CHRM2: variants seen among roughly 807,000 people sequenced by gnomAD.
The protein encoded by CHRM2 is cholinergic receptor muscarinic 2, also known as muscarinic acetylcholine receptor M2.
A neutral mutation model predicts 25.0 loss-of-function variants in CHRM2; 8 were observed. The ratio of observed to expected loss-of-function variants is 0.32; its 90% CI spans 0.19 to 0.58. The LOEUF is 0.58. Ranked by LOEUF, CHRM2 falls within the 20% of genes least tolerant of loss-of-function variation. The pLI, the probability that CHRM2 is intolerant of heterozygous loss-of-function variation, is 0.88. For synonymous variants in CHRM2, 202 were observed against 205.7 expected, an observed-to-expected ratio of 0.98 and a Z score of 0.15; for missense variants, 440 against 567.1, an observed-to-expected ratio of 0.78 and a Z score of 2.28.
rs763752437 is a variant in CHRM2 at position 137,016,203 on chromosome 7, C to T, written c.1338C>T (p.Thr446=). The change falls in exon 4 of 4, where the codon ACC becomes ACT. Residue 446 remains threonine, a synonymous_variant. Transcript: ENST00000680005. ...CCTGCTATGCACTTTGCAATGCCAC[C>T]TTCAAGAAGACCTTTAAACACCTTC... ...NPACYALCNA[T]FKKTFKHLLM... is the part of the protein sequence containing the mutation. 9.3e-6 allele frequency: 15 copies of T among 1,612,932 alleles called. No individual in the cohort carries two copies. Among genetic ancestry groups the T allele is most frequent in the African/African-American group, 2.7e-5 (2 of 74,812 alleles).
chr7:136,934,939 T>C (rs1799328318), intron 2 of CHRM2, among the ~76,000 whole-genome samples: 1 of 151,848 alleles, frequency 6.6e-6, no homozygotes, highest in South Asian at 2.1e-4. Flanking sequence ...ATAGTAAATA[T>C]GCAAGACATA....
chr7:136,914,154 A>G (rs1207752352), intron 2 of CHRM2: 1 of 151,804 alleles, frequency 6.6e-6, no homozygotes, highest in Non-Finnish European at 1.5e-5. Context: ...ATTTCATTTT[A>G]TTATTGTTTC....
intron 3 of CHRM2, among the ~76,000 whole-genome samples, chr7:137,009,890 C>T (rs1031571544): frequency 6.6e-6 from 1 of 151,794 alleles, no homozygotes; most frequent in Non-Finnish European, 1.5e-5. Flanking sequence ...TTACCTCTAA[C>T]CCTGCGCCCC....
chr7:136,980,790 G>A (rs1466731196), intron 2 of CHRM2, among the ~76,000 whole-genome samples: 1 of 152,208 alleles, frequency 6.6e-6, no homozygotes, highest in African/African-American at 2.4e-5. Context: ...CAGGGATGAA[G>A]CTGACTTGAT....
At chr7:136,955,162 A>G (rs1305263054) in intron 2 of CHRM2, among the ~76,000 whole-genome samples, 1 of 152,148 alleles carries the variant, frequency 6.6e-6, no homozygotes, top group African/African-American at 2.4e-5. Context: ...TTTGAGTAAA[A>G]TATTCACCTC....
At chr7:136,942,535 G>A (rs987244877) in intron 2 of CHRM2, among the ~76,000 whole-genome samples, 1 of 152,130 alleles carries the variant, frequency 6.6e-6, no homozygotes, top group Non-Finnish European at 1.5e-5. Flanking sequence ...GGCCCAGAGT[G>A]CTGTTCTCTC....
At chr7:136,903,322 T>A (rs1797341660) in intron 2 of CHRM2, 1 of 520,190 alleles carries the variant, frequency 1.9e-6, no homozygotes, top group African/African-American at 2.0e-5. Flanking sequence ...ACTAAATGGG[T>A]GTCTTCTATA....
At chr7:136,949,685 T>C (rs1490954857) in intron 2 of CHRM2, among the ~76,000 whole-genome samples, 2 of 152,016 alleles carry the variant, frequency 1.3e-5, no homozygotes. Flanking sequence ...TCAAATAATT[T>C]ATATTTCTTT....
intron 2 of CHRM2, among the ~76,000 whole-genome samples, chr7:136,966,181 C>CA (rs1348394184): frequency 4.9e-5 from 2 of 41,144 alleles, no homozygotes; most frequent in Non-Finnish European, 9.7e-5. Context: ...TTGTCTTCTG[C>CA]AAATTTTTTT....
At chr7:136,981,919 A>G (rs1802515841) in intron 2 of CHRM2, among the ~76,000 whole-genome samples, 1 of 152,132 alleles carries the variant, frequency 6.6e-6, no homozygotes, top group Non-Finnish European at 1.5e-5. Context: ...AAGAAAGTAT[A>G]TTCTGTTGAT....
chr7:136,913,754 T>A lies in CHRM2; in HGVS notation c.-125+44336T>A, dbSNP rs140011449. Among the ~76,000 whole-genome samples the A allele has an allele frequency of 5.7e-3, 873 of 152,084 alleles. 8 individuals are homozygous for A. Among genetic ancestry groups the A allele is most frequent in the Non-Finnish European group, 0.01 (706 of 67,924 alleles). On this transcript the variant is annotated intron_variant, in intron 2 of 3. Coordinates refer to ENST00000680005, the MANE Select transcript of CHRM2 (RefSeq NM_001006630.2). Reference sequence around the variant, plus strand: ...AAACAATGCTGTGAAGTGGGTATTATTTTAAAAAATTATAAAGCTGAAGCC... The same window carrying A: ...AAACAATGCTGTGAAGTGGGTATTAATTTAAAAAATTATAAAGCTGAAGCC...
intron 3 of CHRM2, among the ~76,000 whole-genome samples, chr7:136,993,030 G>T (rs187845424): frequency 6.6e-6 from 1 of 152,262 alleles, no homozygotes; most frequent in East Asian, 1.9e-4. Flanking sequence ...ACCTAGATTT[G>T]TGTTTGATTA....
chr7:136,950,101 T>C (rs1455316527), intron 2 of CHRM2, among the ~76,000 whole-genome samples: 1 of 152,210 alleles, frequency 6.6e-6, no homozygotes, highest in Non-Finnish European at 1.5e-5. Context: ...TTCTGACTAA[T>C]AATCTGATTA....
chr7:136,874,524 T>G (rs1341210903), intron 2 of CHRM2, among the ~76,000 whole-genome samples: 2 of 125,806 alleles, frequency 1.6e-5, no homozygotes, highest in African/African-American at 6.5e-5. Flanking sequence ...CTTCTGTCTC[T>G]CTTTTTTTTC....
intron 2 of CHRM2, among the ~76,000 whole-genome samples, chr7:136,911,865 T>A (rs1387268268): frequency 6.6e-6 from 1 of 151,938 alleles, no homozygotes; most frequent in Non-Finnish European, 1.5e-5. Context: ...TAAAGGAGGA[T>A]CTGCTTTTTC....
At chr7:137,001,141 C>A (rs1286126294) in intron 3 of CHRM2, among the ~76,000 whole-genome samples, 3 of 152,042 alleles carry the variant, frequency 2.0e-5, no homozygotes, top group African/African-American at 7.2e-5. Context: ...AACTCCCCAC[C>A]CCACATCTTC....
chr7:136,974,123 T>C (rs1584857678), intron 2 of CHRM2, among the ~76,000 whole-genome samples: 1 of 152,324 alleles, frequency 6.6e-6, no homozygotes, highest in East Asian at 1.9e-4. Flanking sequence ...TTATGATTTA[T>C]GTCACCTGAA....
chr7:136,981,831 A>G (rs1217819213), intron 2 of CHRM2, among the ~76,000 whole-genome samples: 1 of 151,984 alleles, frequency 6.6e-6, no homozygotes, highest in Non-Finnish European at 1.5e-5. Flanking sequence ...TAAGATTTCC[A>G]TTCTTTTGCA....
At chr7:136,917,817 C>T (rs984875991) in intron 2 of CHRM2, among the ~76,000 whole-genome samples, 1 of 151,920 alleles carries the variant, frequency 6.6e-6, no homozygotes, top group African/African-American at 2.4e-5. Context: ...ATTGGGTAGG[C>T]TTATTAGGGT....
Sources: gnomAD v4.1 joint callset for allele counts (sites outside exome capture counted in the v4.1 genomes callset) on GRCh38, gnomAD v4.1.1 for gene constraint, MANE v1.5 for transcripts, NCBI Gene and HGNC (gene_info 2026-07-23, HGNC 2026-07-21) for gene names.